CDC42BPB: variants seen among roughly 807,000 people sequenced by gnomAD.
CDC42BPB encodes CDC42 binding protein kinase beta, also known as serine/threonine-protein kinase MRCK beta.
Under a neutral mutation model 214.9 loss-of-function variants are expected in CDC42BPB, and 37 were observed. That is an observed-to-expected ratio of 0.17 (90% confidence interval 0.13 to 0.23). CDC42BPB has a LOEUF of 0.23. Ranked by LOEUF, CDC42BPB falls within the 10% of genes least tolerant of loss-of-function variation. The pLI is 1.00. For missense variants in CDC42BPB, 1,694 were observed against 2,227.0 expected, an observed-to-expected ratio of 0.76 and a Z score of 4.82; for synonymous variants, 931 against 884.0, an observed-to-expected ratio of 1.05 and a Z score of -0.94.
At chr14:102,953,051 A>G (rs906099168) in intron 23 of CDC42BPB, among the ~76,000 whole-genome samples, 1 of 152,194 alleles carries the variant, frequency 6.6e-6, no homozygotes, top group African/African-American at 2.4e-5. Flanking sequence ...ATAACAGCAA[A>G]CGCCTGGAAA....
intron 7 of CDC42BPB, among the ~76,000 whole-genome samples, chr14:102,982,681 G>A (rs567576120): frequency 6.6e-6 from 1 of 152,280 alleles, no homozygotes; most frequent in East Asian, 1.9e-4. Context: ...TGAGGCAGGA[G>A]AATCGCTTGA....
chr14:102,945,562 C>A (rs954821602), intron 29 of CDC42BPB, 100 bp downstream of exon 29: 10 of 1,079,468 alleles, frequency 9.3e-6, no homozygotes, highest in Non-Finnish European at 1.3e-5. Flanking sequence ...CTTCATCAAG[C>A]GCATTTGTCT....
At chr14:102,981,297 C>T (rs891330294) in intron 7 of CDC42BPB, 3 of 592,472 alleles carry the variant, frequency 5.1e-6, no homozygotes, top group South Asian at 7.3e-5. Context: ...GGAAACATGC[C>T]GTGCGCGGGA....
intron 9 of CDC42BPB, 84 bp from the exon 10 acceptor site, chr14:102,976,133 A>G: frequency 6.4e-7 from 1 of 1,552,032 alleles, no homozygotes; most frequent in Non-Finnish European, 8.7e-7. Flanking sequence ...GAGGTGAAAG[A>G]TAGTCTTTTT....
At position 103,014,039 on chromosome 14, in the gene CDC42BPB, G is replaced by A. The variant is rs528409731; in HGVS notation, c.176-1851C>T. 1.2e-3 allele frequency among the ~76,000 whole-genome samples: 181 copies of A among 152,240 alleles called. 1 individual carries two copies. Among genetic ancestry groups the A allele is most frequent in the African/African-American group, 8.2e-4 (34 of 41,550 alleles). ...AATTTAGCTGGGCGTGGTGGCGGGC[G>A]CCTGCGGTCCCAGTTACTCGCGAGG... On this transcript the variant is annotated intron_variant, in intron 1 of 36. Coordinates refer to ENST00000361246, the MANE Select transcript of CDC42BPB (RefSeq NM_006035.4).
intron 17 of CDC42BPB, 71 bp from the exon 18 acceptor site, chr14:102,966,458 G>T: frequency 1.3e-6 from 2 of 1,587,756 alleles, no homozygotes; most frequent in South Asian, 2.3e-5. Context: ...AGAAGGGGAC[G>T]TTCCCGCCTT....
chr14:102,970,027 T>C (rs1893403473), intron 14 of CDC42BPB, 124 bp downstream of exon 14: 1 of 728,908 alleles, frequency 1.4e-6, no homozygotes. Context: ...GTGGGTCTTG[T>C]CTGAACAGCC....
Position 102,963,067 on chromosome 14 carries a change from C to T in CDC42BPB, c.2815G>A (p.Asp939Asn). 7.2e-7 allele frequency: 1 copy of T among 1,381,588 alleles called. No individual in the cohort carries two copies. The highest frequency in any genetic ancestry group is 1.0e-6 in the Non-Finnish European group (1 of 970,660). The allele number at this position is 1,381,588 out of a possible 1,614,324, so 85.6% of individuals were successfully genotyped here. A position where few individuals can be genotyped will look rare whatever the true frequency, so the allele number is the denominator to read the frequency against. Reference protein sequence around the residue: ...KKKMEEKFRADTGLKLPDFQD... With the variant: ...KKKMEEKFRANTGLKLPDFQD... ...TCGCACAACATTAATTTACCAGTATCTGCTCTGAATTTTTCTTCCATCTTT... is the reference window on the plus strand; with the variant it reads ...TCGCACAACATTAATTTACCAGTATTTGCTCTGAATTTTTCTTCCATCTTT... The change falls in exon 20 of 37, where the codon GAT becomes AAT. Residue 939 changes from aspartate (D) to asparagine (N), a missense_variant. Coordinates refer to ENST00000361246, the MANE Select transcript of CDC42BPB (RefSeq NM_006035.4).
intron 27 of CDC42BPB, among the ~76,000 whole-genome samples, chr14:102,947,131 G>A (rs1049516117): frequency 1.3e-5 from 2 of 152,186 alleles, no homozygotes; most frequent in African/African-American, 4.8e-5. Context: ...TTCCTGTACT[G>A]TGTATGACAG....
At chr14:103,032,699 C>G (rs1887457059) in intron 1 of CDC42BPB, among the ~76,000 whole-genome samples, 1 of 134,158 alleles carries the variant, frequency 7.5e-6, no homozygotes, top group Non-Finnish European at 1.5e-5. Context: ...GTGGTGTGAT[C>G]TAGGCTCATT....
In CDC42BPB at chr14:103,004,591, G is replaced by T. The variant is rs1353445913; in HGVS notation, c.352-568C>A. The stretch of plus-strand genomic sequence containing the variant: ...CTACGTCTTCCAAAAGAGTTTTAAT[G>T]CCCAGGTGGCATCTCCGTTTAAAAG... On this transcript the variant is annotated intron_variant, in intron 3 of 36. Coordinates refer to ENST00000361246, the MANE Select transcript of CDC42BPB (RefSeq NM_006035.4). This position sits in a 1 kb window ranked among gnomAD's most constrained non-coding sequence, Gnocchi z 5.3. Among the ~76,000 whole-genome samples the T allele has an allele frequency of 6.6e-6, 1 of 152,190 alleles. No individual in the cohort carries two copies. The highest frequency in any genetic ancestry group is 1.5e-5 in the Non-Finnish European group (1 of 68,032).
At chr14:102,969,431 CAG>C (rs2139463530) in intron 14 of CDC42BPB, among the ~76,000 whole-genome samples, 1 of 152,220 alleles carries the variant, frequency 6.6e-6, no homozygotes, top group Non-Finnish European at 1.5e-5. Flanking sequence ...GCCTGCTGTG[CAG>C]AGAGGAGACT....
intron 14 of CDC42BPB, among the ~76,000 whole-genome samples, chr14:102,969,137 C>T (rs1195337212): frequency 2.6e-5 from 4 of 152,206 alleles, no homozygotes; most frequent in Non-Finnish European, 4.4e-5. Flanking sequence ...GAGTGGAGGG[C>T]GTGCCAGGAT....
intron 28 of CDC42BPB, among the ~76,000 whole-genome samples, chr14:102,946,070 G>A (rs967929124): frequency 2.0e-5 from 3 of 152,186 alleles, no homozygotes; most frequent in Non-Finnish European, 2.9e-5. Context: ...GTGCAGTGGT[G>A]TGATCTCGGC....
intron 1 of CDC42BPB, among the ~76,000 whole-genome samples, chr14:103,036,154 T>C (rs1018841567): frequency 5.4e-5 from 6 of 110,632 alleles, no homozygotes; most frequent in Non-Finnish European, 9.3e-5. Flanking sequence ...TAAAATATTC[T>C]TTTTTTTTTT....
chr14:103,024,486 C>T (rs1886940767), intron 1 of CDC42BPB, among the ~76,000 whole-genome samples: 1 of 152,152 alleles, frequency 6.6e-6, no homozygotes, highest in African/African-American at 2.4e-5. Context: ...GTTTGCAAAG[C>T]ATCAGTAAAT....
At chr14:103,028,161 C>A (rs1887154740) in intron 1 of CDC42BPB, among the ~76,000 whole-genome samples, 2 of 152,092 alleles carry the variant, frequency 1.3e-5, no homozygotes, top group Admixed American at 6.6e-5. Flanking sequence ...TAATAAAAAA[C>A]CAAGCACAAC....
At chr14:103,000,199 T>C (rs911874976) in intron 4 of CDC42BPB, among the ~76,000 whole-genome samples, 2 of 152,258 alleles carry the variant, frequency 1.3e-5, no homozygotes, top group Admixed American at 6.5e-5. Context: ...TAATTACTTA[T>C]AGGTTCACTC....
chr14:102,988,871 C>CAA (rs34126680), intron 5 of CDC42BPB, among the ~76,000 whole-genome samples: 11,623 of 116,500 alleles, frequency 0.1, 655 homozygotes, highest in Middle Eastern at 0.14. Context: ...CCCCCCCTTC[C>CAA]AAAAAAAAAA....
Sources: gnomAD v4.1 joint callset for allele counts (sites outside exome capture counted in the v4.1 genomes callset) on GRCh38, gnomAD v4.1.1 for gene constraint, Gnocchi (gnomAD v3.1) non-coding constraint, MANE v1.5 for transcripts, NCBI Gene and HGNC (gene_info 2026-07-23, HGNC 2026-07-21) for gene names.